Variants in IMMT observed in about 807,000 individuals in gnomAD.
IMMT encodes MICOS complex subunit MIC60.
In IMMT, 40 loss-of-function variants were observed where a neutral mutation model predicts 92.7. The observed-to-expected ratio is 0.43, with a 90% CI of 0.34 to 0.56. IMMT has a LOEUF of 0.56. IMMT is among the 20% of genes least tolerant of loss of function. The probability of loss-of-function intolerance (pLI) is 0.03; values close to 1 mark genes in which losing one functional copy is unlikely to be tolerated. For missense variants in IMMT, 831 were observed against 912.1 expected (o/e 0.91, Z 1.14); for synonymous variants, 322 against 336.1 (o/e 0.96, Z 0.46).
intron 4 of IMMT, among the ~76,000 whole-genome samples, chr2:86,172,195 G>A (rs1357590251): frequency 1.1e-4 from 17 of 151,746 alleles, no homozygotes; most frequent in Admixed American, 1.1e-3. Context: ...GTCTCAAACT[G>A]CTAGGCTCAA....
Position 86,158,483 on chromosome 2 carries a change from A to T in IMMT, c.1162+109T>A, listed in dbSNP as rs1676019797. ...ATAAAACGCTGTAACAAAAAGAGATATGCATGCATGCCAGAGGGATGTGGA... is the reference window on the plus strand; with the variant it reads ...ATAAAACGCTGTAACAAAAAGAGATTTGCATGCATGCCAGAGGGATGTGGA... On this transcript the variant is annotated intron_variant, in intron 10 of 14. Transcript: ENST00000410111. The T allele has an allele frequency of 3.7e-6, 3 of 805,148 alleles. No individual in the cohort carries two copies. In the Admixed American group the frequency reaches 8.0e-5, roughly 21 times the overall value. 49.9% of individuals were successfully genotyped at this position (805,148 alleles called of 1,614,324 possible).
chr2:86,151,558 C>T (rs768055545), intron 11 of IMMT, 38 bp from the exon 12 acceptor site: 1 of 1,428,182 alleles, frequency 7.0e-7, no homozygotes, highest in East Asian at 2.3e-5. Context: ...AATGATGTCA[C>T]TGAAATTATA....
chr2:86,168,938 C>A (rs1349854828), intron 6 of IMMT, among the ~76,000 whole-genome samples: 2 of 152,182 alleles, frequency 1.3e-5, no homozygotes, highest in African/African-American at 4.8e-5. Context: ...CAAGTACAGG[C>A]AGTTGTGAAC....
chr2:86,162,547 A>C (rs999072830), intron 7 of IMMT, among the ~76,000 whole-genome samples: 1 of 130,294 alleles, frequency 7.7e-6, no homozygotes, highest in Non-Finnish European at 1.5e-5. Flanking sequence ...AATGTGTATT[A>C]AAAAAAAAAA....
At chr2:86,152,759 C>CAAAAA (rs398104518) in intron 11 of IMMT, among the ~76,000 whole-genome samples, 1 of 148,224 alleles carries the variant, frequency 6.7e-6, no homozygotes, top group African/African-American at 2.5e-5. Context: ...GACCTTGTCT[C>CAAAAA]AAAAAAAAAA....
At chr2:86,156,197 C>T (rs1274365634) in intron 10 of IMMT, among the ~76,000 whole-genome samples, 2 of 152,110 alleles carry the variant, frequency 1.3e-5, no homozygotes, top group African/African-American at 4.8e-5. Context: ...GCCAGTAGCT[C>T]CCTACAGTTG....
intron 1 of IMMT, among the ~76,000 whole-genome samples, chr2:86,186,417 T>A (rs1221637981): frequency 6.6e-6 from 1 of 152,210 alleles, no homozygotes; most frequent in South Asian, 2.1e-4. Context: ...TTATGTACAC[T>A]TCCCTTAAAC....
chr2:86,169,878 C>T (rs576254905), intron 6 of IMMT, among the ~76,000 whole-genome samples: 17 of 150,700 alleles, frequency 1.1e-4, no homozygotes, highest in African/African-American at 3.9e-4. Flanking sequence ...ACAGTAAGAG[C>T]CCATCTCTTA....
At chr2:86,150,425 A>G (rs1214110040) in intron 12 of IMMT, among the ~76,000 whole-genome samples, 14 of 152,190 alleles carry the variant, frequency 9.2e-5, no homozygotes, top group Admixed American at 7.9e-4. Context: ...CCAGCAAGGT[A>G]AGAGAAAGGC....
At chr2:86,180,346 AC>A (rs1026543080) in intron 2 of IMMT, among the ~76,000 whole-genome samples, 2 of 151,072 alleles carry the variant, frequency 1.3e-5, no homozygotes, top group Non-Finnish European at 3.0e-5. Flanking sequence ...GCTCACTGCA[AC>A]CTCCACCTCC....
chr2:86,149,987 T>G (rs1472405660), intron 12 of IMMT, among the ~76,000 whole-genome samples: 3 of 152,064 alleles, frequency 2.0e-5, no homozygotes, highest in African/African-American at 7.2e-5. Flanking sequence ...GGGATTTATG[T>G]TGGATGCAAA....
At chr2:86,178,064 C>A (rs1376620990) in intron 3 of IMMT, among the ~76,000 whole-genome samples, 1 of 152,056 alleles carries the variant, frequency 6.6e-6, no homozygotes, top group South Asian at 2.1e-4. Flanking sequence ...GCCTGTAATC[C>A]CAGCACTTTG....
chr2:86,173,658 G>A lies in IMMT; in HGVS notation c.413C>T (p.Ser138Leu), dbSNP rs755124517. 6.4e-7 allele frequency: 1 copy of A among 1,554,730 alleles called. No homozygotes were observed. Among genetic ancestry groups the A allele is most frequent in the African/African-American group, 1.3e-5 (1 of 74,274 alleles). ...GTTCAAAATATAAGTACCTGTTGCT[G>A]AAGCTGGAGTATCTCCCTTTTGTTT... ...LQKQKGDTPA[S>L]ATAPTEAAQI... The change falls in exon 4 of 15, where the codon TCA becomes TTA. Residue 138 changes from serine to leucine, a missense_variant. Ser to Leu is a moderately radical substitution (Grantham distance 145). Transcript: ENST00000410111.
intron 10 of IMMT, 94 bp from the exon 11 acceptor site, chr2:86,153,668 G>A: frequency 2.7e-6 from 2 of 729,814 alleles, no homozygotes; most frequent in Non-Finnish European, 4.3e-6. Context: ...GAAACAAGAA[G>A]GAATCGGAGA....
At chr2:86,185,635 A>G (rs1325265051) in intron 1 of IMMT, among the ~76,000 whole-genome samples, 1 of 152,228 alleles carries the variant, frequency 6.6e-6, no homozygotes, top group Non-Finnish European at 1.5e-5. Flanking sequence ...TAAGATGTGT[A>G]TCATGCATCT....
At chr2:86,182,946 A>T (rs17027013) in intron 1 of IMMT, among the ~76,000 whole-genome samples, 69,758 of 151,904 alleles carry the variant, frequency 0.46, 16,568 homozygotes, top group Non-Finnish European at 0.51. Context: ...ACCCTGTAGA[A>T]TTCCCAACAT....
chr2:86,148,696 CTTA>C (rs1275612385), intron 12 of IMMT, among the ~76,000 whole-genome samples: 1 of 152,072 alleles, frequency 6.6e-6, no homozygotes. Context: ...AAGAAAACTG[CTTA>C]TTTTTAAATG....
At chr2:86,156,592 T>TAAAAAAA (rs1675872227) in intron 10 of IMMT, among the ~76,000 whole-genome samples, 1 of 76,710 alleles carries the variant, frequency 1.3e-5, no homozygotes, top group African/African-American at 6.2e-5. Flanking sequence ...AGACTCCATC[T>TAAAAAAA]CAAAAAAAAA....
chr2:86,194,016 A>G (rs1673355190), intron 1 of IMMT, among the ~76,000 whole-genome samples: 2 of 152,226 alleles, frequency 1.3e-5, no homozygotes, highest in Non-Finnish European at 1.5e-5. Flanking sequence ...GGTAGCCTGC[A>G]CGAAAGCAAA....
Sources: allele counts gnomAD v4.1 joint callset (sites outside exome capture counted in the v4.1 genomes callset), GRCh38; gene constraint gnomAD v4.1.1; transcripts MANE v1.5; gene names NCBI Gene and HGNC (gene_info 2026-07-23, HGNC 2026-07-21).